The following PPIF variants were observed in gnomAD, a reference collection of about 807,000 sequenced individuals.
PPIF encodes peptidylprolyl isomerase F.
PPIF carries 23 observed loss-of-function variants against 20.2 expected under a neutral mutation model. That is an observed-to-expected ratio of 1.14 (90% confidence interval 0.82 to 1.61). The LOEUF is 1.61. Ranked by LOEUF, PPIF falls within the 40% of genes most tolerant of loss-of-function variation. The pLI is 0.00. For missense variants in PPIF, 287 were observed against 291.6 expected (o/e 0.98, Z 0.11); for synonymous variants, 113 against 123.1 (o/e 0.92, Z 0.54).
In PPIF at chr10:79,354,702, C is replaced by G. The variant is rs1203631314; in HGVS notation, c.*860C>G. ...GTTCACCTTAAATGTGAAAATAAAT[C>G]CTATTTTCTATGGAAGACTGGTACC... On this transcript the variant is annotated 3_prime_UTR_variant, in exon 6 of 6. Transcript: ENST00000225174. 6.5e-6 allele frequency: 1 copy of G among 152,748 alleles called. No homozygotes were observed. Among genetic ancestry groups the G allele is most frequent in the Admixed American group, 6.5e-5 (1 of 15,278 alleles). 9.5% of individuals were successfully genotyped at this position (152,748 alleles called of 1,614,324 possible). A position where few individuals can be genotyped will look rare whatever the true frequency, so the allele number is the denominator to read the frequency against.
At chr10:79,347,779 C>T in intron 1 of PPIF, 36 bp downstream of exon 1, 2 of 1,283,130 alleles carry the variant, frequency 1.6e-6, no homozygotes, top group Non-Finnish European at 9.9e-7. Context: ...GGGCGCGGGA[C>T]ACGGGCCCGG....
rs770015582 is a variant in PPIF, at chr10:79,347,713, CG to C, written c.168del (p.Lys57SerfsTer10). 1 of 1,452,064 alleles carries C rather than the reference CG, an allele frequency of 6.9e-7. No homozygotes were observed. 89.9% of individuals were successfully genotyped at this position (1,452,064 alleles called of 1,614,324 possible). On this transcript the variant is annotated frameshift_variant, in exon 1 of 6. Transcript: ENST00000225174. LOFTEE classifies it high-confidence loss of function. The part of the protein sequence containing the change: ...PLVYLDVDAN[G>X]KPLGRVVLEL... ...TCGTGTACCTGGACGTGGACGCCAA[CG>C]GGAAGCCGCTCGGCCGCGTGGTGCT...
Position 79,353,826 on chromosome 10 carries a change from G to C in PPIF, c.608G>C (p.Cys203Ser). The C allele has an allele frequency of 1.9e-6, 3 of 1,613,856 alleles. No individual in the cohort carries two copies. The highest frequency in any genetic ancestry group is 2.5e-6 in the Non-Finnish European group (3 of 1,179,760). Residue 203 changes from cysteine to serine, a missense_variant, in exon 6 of 6, where the codon TGT (cysteine) becomes TCT (serine). Physicochemically the swap from Cys to Ser is moderately radical, Grantham distance 112. Coordinates refer to ENST00000225174, the MANE Select transcript of PPIF (RefSeq NM_005729.4). ...TCCAAGAAGATTGTCATCACAGACT[G>C]TGGCCAGTTGAGCTAATCTGTGGCC... ...RTSKKIVITDCGQLS is the reference protein window; with the variant it reads ...RTSKKIVITDSGQLS
In PPIF at chr10:79,352,354, C is replaced by A. The variant is rs61851434; in HGVS notation, c.450C>A (p.Asn150Lys). 5.6e-6 allele frequency: 9 copies of A among 1,614,172 alleles called. No homozygotes were observed. In the Admixed American group the frequency reaches 1.0e-4, roughly 18 times the overall value. Residue 150 changes from asparagine to lysine, a missense_variant, in exon 5 of 6, where the codon AAC becomes AAA. Coordinates refer to ENST00000225174, the MANE Select transcript of PPIF (RefSeq NM_005729.4). The part of the protein sequence containing the change: ...LSMANAGPNT[N>K]GSQFFICTIK... ...TGGCTAATGCTGGTCCTAACACCAACGGCTCCCAGTTCTTCATCTGCACCA... is the reference window on the plus strand; with the variant it reads ...TGGCTAATGCTGGTCCTAACACCAAAGGCTCCCAGTTCTTCATCTGCACCA...
intron 1 of PPIF, 61 bp downstream of exon 1, chr10:79,347,804 C>A: frequency 8.0e-7 from 1 of 1,246,932 alleles, no homozygotes. Flanking sequence ...AGCCCTGGGC[C>A]CCGGGCGGCG....
rs754456742 is a variant in PPIF, at chr10:79,354,030, C to T, written c.*188C>T. The T allele has an allele frequency of 3.2e-6, 2 of 620,976 alleles. No homozygotes were observed. The highest frequency in any genetic ancestry group is 5.6e-6 in the Non-Finnish European group (2 of 359,828). 38.5% of individuals were successfully genotyped at this position (620,976 alleles called of 1,614,324 possible). ...CCACCACATTGCTTCCTAATACCCA[C>T]CCTTCCTCACGACCTCATTTCTGGG... On this transcript the variant is annotated 3_prime_UTR_variant, in exon 6 of 6. Transcript: ENST00000225174.
intron 5 of PPIF, 40 bp downstream of exon 5, chr10:79,352,432 C>A: frequency 6.3e-7 from 1 of 1,583,900 alleles, no homozygotes; most frequent in Non-Finnish European, 8.7e-7. Context: ...ATGCGGGCAG[C>A]CTTGCAGCTG....
chr10:79,349,861 C>T (rs1855957103), intron 3 of PPIF, 108 bp downstream of exon 3: 32 of 1,542,098 alleles, frequency 2.1e-5, no homozygotes, highest in South Asian at 2.4e-5. Context: ...GCTGCAGTTG[C>T]TCTGTCAGCC....
rs1295148337 is a variant in PPIF, at chr10:79,353,926, T to C, written c.*84T>C. On this transcript the variant is annotated 3_prime_UTR_variant, in exon 6 of 6. Transcript: ENST00000225174. ...GCGTTGGGCTGTCAGCCAAGGTGCCTGAAACGATACGTGTGCCCACTCCAC... is the reference window on the plus strand; with the variant it reads ...GCGTTGGGCTGTCAGCCAAGGTGCCCGAAACGATACGTGTGCCCACTCCAC... 6 of 1,440,612 alleles carry C rather than the reference T, an allele frequency of 4.2e-6. No individual in the cohort carries two copies. The highest frequency in any genetic ancestry group is 5.7e-6 in the Non-Finnish European group (6 of 1,048,186). 89.2% of individuals were successfully genotyped at this position (1,440,612 alleles called of 1,614,324 possible).
chr10:79,347,774 C>T, intron 1 of PPIF, 31 bp downstream of exon 1: 1 of 1,286,960 alleles, frequency 7.8e-7, no homozygotes, highest in Non-Finnish European at 9.9e-7. Flanking sequence ...GGCCTGGGCG[C>T]GGGACACGGG....
intron 3 of PPIF, chr10:79,349,970 CGGG>C: frequency 9.7e-7 from 1 of 1,025,970 alleles, no homozygotes; most frequent in East Asian, 2.8e-5. Flanking sequence ...AGGCCCTGCC[CGGG>C]GGACTGGGAG....
chr10:79,354,005 C>A lies in PPIF; in HGVS notation c.*163C>A. 1.3e-6 allele frequency: 1 copy of A among 751,980 alleles called. No homozygotes were observed. 46.6% of individuals were successfully genotyped at this position (751,980 alleles called of 1,614,324 possible). On this transcript the variant is annotated 3_prime_UTR_variant, in exon 6 of 6. Coordinates refer to ENST00000225174, the MANE Select transcript of PPIF (RefSeq NM_005729.4). Reference sequence around the variant, plus strand: ...AGGGATGTTAGACCTCGGCCAGGACCCACCACATTGCTTCCTAATACCCAC... The same window carrying A: ...AGGGATGTTAGACCTCGGCCAGGACACACCACATTGCTTCCTAATACCCAC...
At chr10:79,348,500 CTGTT>C (rs1855932080) in intron 1 of PPIF, among the ~76,000 whole-genome samples, 1 of 152,188 alleles carries the variant, frequency 6.6e-6, no homozygotes, top group Admixed American at 6.5e-5. Context: ...CAGCAGGGGT[CTGTT>C]TGTGTTGACT....
intron 2 of PPIF, 67 bp downstream of exon 2, chr10:79,349,173 G>T: frequency 6.2e-7 from 1 of 1,612,862 alleles, no homozygotes; most frequent in African/African-American, 1.3e-5. Context: ...GGCAAGGTGG[G>T]TGGCGTGATG....
At position 79,353,216 on chromosome 10, in the gene PPIF, C is replaced by T. The variant is rs187230066; in HGVS notation, c.489-491C>T. Among the ~76,000 whole-genome samples the T allele has an allele frequency of 7.5e-4, 114 of 152,330 alleles. 2 individuals are homozygous for T. Among genetic ancestry groups the T allele is most frequent in the African/African-American group, 2.6e-3 (106 of 41,544 alleles). ...GCAGTTCTGCTCTTGGCTGGAACCA[C>T]GCCAGCTTCGCTGGAGCTGGACTGA... On this transcript the variant is annotated intron_variant, in intron 5 of 5. Coordinates refer to ENST00000225174, the MANE Select transcript of PPIF (RefSeq NM_005729.4).
chr10:79,347,686 G>C lies in PPIF; in HGVS notation c.138G>C (p.Pro46=), dbSNP rs1855917907. ...DPSSSSSSGN[P]LVYLDVDANG... ...CCTCTTCCTCCTCCTCCGGGAACCC[G>C]CTCGTGTACCTGGACGTGGACGCCA... The change falls in exon 1 of 6, where the codon CCG becomes CCC. Residue 46 remains proline (P), a synonymous_variant. Coordinates refer to ENST00000225174, the MANE Select transcript of PPIF (RefSeq NM_005729.4). 5 of 1,482,324 alleles carry C rather than the reference G, an allele frequency of 3.4e-6. No homozygotes were observed. The highest frequency in any genetic ancestry group is 4.5e-6 in the Non-Finnish European group (5 of 1,112,866). 91.8% of individuals were successfully genotyped at this position (1,482,324 alleles called of 1,614,324 possible).
Position 79,354,058 on chromosome 10 carries a change from T to C in PPIF, c.*216T>C. On this transcript the variant is annotated 3_prime_UTR_variant, in exon 6 of 6. Transcript: ENST00000225174. ...TTCCTCACGACCTCATTTCTGGGCA[T>C]CTTTGTGGACATGATGTCACCCACC... 1.7e-6 allele frequency: 1 copy of C among 576,888 alleles called. No homozygotes were observed. Among genetic ancestry groups the C allele is most frequent in the Non-Finnish European group, 3.1e-6 (1 of 325,826 alleles). 35.7% of individuals were successfully genotyped at this position (576,888 alleles called of 1,614,324 possible).
chr10:79,349,656 G>A lies in PPIF; in HGVS notation c.227-9G>A, dbSNP rs200266740. 1.9e-5 allele frequency: 30 copies of A among 1,612,884 alleles called. No homozygotes were observed. In the African/African-American group the frequency reaches 3.1e-4, roughly 17 times the overall value. On this transcript the variant is annotated splice_polypyrimidine_tract_variant and intron_variant, in intron 2 of 5. Transcript: ENST00000225174. ...GCCCTGTTGACCTGTGTTTCTCTTCGACCCTCAGAGAACTTCAGAGCCCTG... is the reference window on the plus strand; with the variant it reads ...GCCCTGTTGACCTGTGTTTCTCTTCAACCCTCAGAGAACTTCAGAGCCCTG...
chr10:79,347,963 G>A (rs1855922773), intron 1 of PPIF, among the ~76,000 whole-genome samples: 1 of 152,188 alleles, frequency 6.6e-6, no homozygotes, highest in South Asian at 2.1e-4. Context: ...GGGCACGTGT[G>A]GAGGAGAAAG....
Sources: gnomAD v4.1 joint callset for allele counts (sites outside exome capture counted in the v4.1 genomes callset) on GRCh38, gnomAD v4.1.1 for gene constraint, MANE v1.5 for transcripts, NCBI Gene and HGNC (gene_info 2026-07-23, HGNC 2026-07-21) for gene names.